MAGI2: variants seen among roughly 807,000 people sequenced by gnomAD.
MAGI2 encodes the protein membrane-associated guanylate kinase, WW and PDZ domain-containing protein 2.
MAGI2 carries 35 observed loss-of-function variants against 133.3 expected under a neutral mutation model. That is an observed-to-expected ratio of 0.26 (90% CI 0.20 to 0.35). The LOEUF (loss-of-function observed/expected upper bound fraction) is 0.35, where lower values mean the gene tolerates loss of function less well. Among genes scored for constraint, MAGI2 ranks in the 10% least tolerant of loss-of-function variants. The probability of loss-of-function intolerance (pLI) is 1.00; values close to 1 mark genes in which losing one functional copy is unlikely to be tolerated. For missense variants in MAGI2, 1,636 were observed against 1,863.4 expected (o/e 0.88, Z 2.25); for synonymous variants, 729 against 710.6 (o/e 1.03, Z -0.41).
chr7:79,211,782 G>A (rs1370089076), intron 1 of MAGI2, among the ~76,000 whole-genome samples: 8 of 152,006 alleles, frequency 5.3e-5, no homozygotes, highest in African/African-American at 1.7e-4. Flanking sequence ...TGGGTTAATA[G>A]GAGGGTGGCG....
chr7:78,591,234 A>T (rs567109001), intron 3 of MAGI2, among the ~76,000 whole-genome samples: 1 of 152,346 alleles, frequency 6.6e-6, no homozygotes, highest in African/African-American at 2.4e-5. Flanking sequence ...CTATTTCAAG[A>T]AGTCATATTG....
intron 2 of MAGI2, among the ~76,000 whole-genome samples, chr7:78,770,558 T>C (rs1297581477): frequency 6.6e-6 from 1 of 152,196 alleles, no homozygotes; most frequent in Non-Finnish European, 1.5e-5. Flanking sequence ...ACACTAACTG[T>C]TCTCCAAACA....
At chr7:78,294,448 C>G (rs1327757824) in intron 9 of MAGI2, among the ~76,000 whole-genome samples, 1 of 146,616 alleles carries the variant, frequency 6.8e-6, no homozygotes, top group Non-Finnish European at 1.6e-5. Context: ...CTTTGGAACT[C>G]TAAAGGTCTT....
intron 3 of MAGI2, among the ~76,000 whole-genome samples, chr7:78,548,704 A>G (rs754179381): frequency 1.6e-4 from 25 of 152,330 alleles, no homozygotes; most frequent in Non-Finnish European, 2.5e-4. Context: ...TCAAAACAAA[A>G]CAAAACAAAA....
intron 2 of MAGI2, among the ~76,000 whole-genome samples, chr7:78,744,246 A>C (rs898175165): frequency 1.3e-5 from 2 of 152,190 alleles, no homozygotes; most frequent in African/African-American, 4.8e-5. Flanking sequence ...TATAAAGAAA[A>C]AATAGTCACC....
rs545736515 is a variant in MAGI2 at position 78,914,403 on chromosome 7, T to C, written c.418+92687A>G. Among the ~76,000 whole-genome samples the C allele has an allele frequency of 2.6e-5, 4 of 152,304 alleles. No individual in the cohort carries two copies. In the East Asian group the frequency reaches 5.8e-4, roughly 22 times the overall value. On this transcript the variant is annotated intron_variant, in intron 2 of 21. Transcript: ENST00000354212. ...TAGACTTACTTTGGAATGAATGGTG[T>C]ACTTTTAAATTATTAGTAAAGTCAA...
intron 3 of MAGI2, among the ~76,000 whole-genome samples, chr7:78,624,663 G>A (rs1233111426): frequency 2.0e-5 from 3 of 151,988 alleles, no homozygotes; most frequent in Non-Finnish European, 2.9e-5. Flanking sequence ...CTGAGAAGAG[G>A]GAGAGCATCA....
chr7:78,236,027 GTTT>G (rs34874243), intron 10 of MAGI2, among the ~76,000 whole-genome samples: 48 of 134,620 alleles, frequency 3.6e-4, no homozygotes, highest in East Asian at 1.8e-3. Flanking sequence ...AAGACTGTAT[GTTT>G]TTTTTTTTTT....
At chr7:79,107,006 T>C (rs1036075141) in intron 1 of MAGI2, among the ~76,000 whole-genome samples, 1 of 152,224 alleles carries the variant, frequency 6.6e-6, no homozygotes, top group Non-Finnish European at 1.5e-5. Flanking sequence ...GACCAAATAA[T>C]GGCTCTTCAA....
rs181872355 is a variant in MAGI2, at chr7:78,765,394, G to C, written c.419-138155C>G. On this transcript the variant is annotated intron_variant, in intron 2 of 21. Coordinates refer to ENST00000354212, the MANE Select transcript of MAGI2 (RefSeq NM_012301.4). ...ACAGAGTCTCGCTCTTGTCAACAAG[G>C]CTGGAGTACAGTGGTGCAATCTTGG... Among the ~76,000 whole-genome samples, 187 of 117,172 alleles carry C rather than the reference G, an allele frequency of 1.6e-3. 2 individuals are homozygous for C. Among genetic ancestry groups the C allele is most frequent in the Admixed American group, 2.3e-3 (19 of 8,438 alleles). 76.9% of individuals were successfully genotyped at this position (117,172 alleles called of 152,430 possible). A position where few individuals can be genotyped will look rare whatever the true frequency, so the allele number is the denominator to read the frequency against.
At chr7:78,178,791 G>A (rs1047664216) in intron 13 of MAGI2, among the ~76,000 whole-genome samples, 6 of 152,006 alleles carry the variant, frequency 3.9e-5, no homozygotes, top group Admixed American at 6.6e-5. Flanking sequence ...TTTTATCACC[G>A]AAACATTTTA....
chr7:78,119,593 A>C (rs1820226426), intron 20 of MAGI2, among the ~76,000 whole-genome samples: 1 of 150,966 alleles, frequency 6.6e-6, no homozygotes, highest in Non-Finnish European at 1.5e-5. Context: ...AGAATGTACA[A>C]CACCAAGACT....
At chr7:78,736,371 G>T (rs1334719211) in intron 2 of MAGI2, among the ~76,000 whole-genome samples, 1 of 152,136 alleles carries the variant, frequency 6.6e-6, no homozygotes, top group Non-Finnish European at 1.5e-5. Context: ...AGAAATACTG[G>T]CTTTGTTCAG....
At chr7:78,426,145 G>A (rs940495697) in intron 6 of MAGI2, among the ~76,000 whole-genome samples, 1 of 152,058 alleles carries the variant, frequency 6.6e-6, no homozygotes, top group African/African-American at 2.4e-5. Context: ...TTGTAAAAAG[G>A]AACAAATGTA....
intron 3 of MAGI2, among the ~76,000 whole-genome samples, chr7:78,526,990 G>C (rs1215450212): frequency 9.3e-6 from 1 of 107,478 alleles, no homozygotes; most frequent in African/African-American, 3.5e-5. Flanking sequence ...CATGGTGACA[G>C]GGCAAGACTC....
chr7:78,823,737 T>C (rs1211741822), intron 2 of MAGI2, among the ~76,000 whole-genome samples: 1 of 152,194 alleles, frequency 6.6e-6, no homozygotes, highest in Non-Finnish European at 1.5e-5. Context: ...AAATATTTGT[T>C]GCTTCTAAAA....
At chr7:78,450,957 T>G (rs935920554) in intron 6 of MAGI2, among the ~76,000 whole-genome samples, 2 of 152,050 alleles carry the variant, frequency 1.3e-5, no homozygotes, top group Non-Finnish European at 2.9e-5. Flanking sequence ...AGCGATATGA[T>G]TTTCACATAA....
chr7:79,321,455 A>C (rs1015931008), intron 1 of MAGI2, among the ~76,000 whole-genome samples: 1 of 63,678 alleles, frequency 1.6e-5, no homozygotes, highest in African/African-American at 5.8e-5. Context: ...GATTCCCTCA[A>C]GTAGATCCAA....
intron 1 of MAGI2, among the ~76,000 whole-genome samples, chr7:79,057,285 A>G (rs1813235157): frequency 6.6e-6 from 1 of 152,190 alleles, no homozygotes; most frequent in African/African-American, 2.4e-5. Flanking sequence ...CACATGAGTT[A>G]GACATTTTGT....
Sources: allele counts gnomAD v4.1 joint callset (sites outside exome capture counted in the v4.1 genomes callset), GRCh38; gene constraint gnomAD v4.1.1; transcripts MANE v1.5; gene names NCBI Gene and HGNC (gene_info 2026-07-23, HGNC 2026-07-21).